The following RASSF3 variants were observed in gnomAD, a reference collection of about 807,000 sequenced individuals.
The protein encoded by RASSF3 is Ras association domain family member 3, also known as ras association domain-containing protein 3.
Under a neutral mutation model 19.9 loss-of-function variants are expected in RASSF3, and 19 were observed. That is an observed-to-expected ratio of 0.96 (90% CI 0.67 to 1.40). The LOEUF is 1.40. Ranked by LOEUF, RASSF3 falls within the 40% of genes most tolerant of loss-of-function variation. The pLI is 0.00. For missense variants in RASSF3, 306 were observed against 289.8 expected, an observed-to-expected ratio of 1.06 and a Z score of -0.41; for synonymous variants, 110 against 104.2, an observed-to-expected ratio of 1.06 and a Z score of -0.34.
chr12:64,508,124 A>G (rs1592382508), intron 1 of RASSF3, among the ~76,000 whole-genome samples: 1 of 152,328 alleles, frequency 6.6e-6, no homozygotes, highest in East Asian at 1.9e-4. Context: ...ATTTTATGTA[A>G]GTGCTTAACA....
intron 1 of RASSF3, among the ~76,000 whole-genome samples, chr12:64,625,965 C>T (rs928274598): frequency 2.7e-4 from 41 of 152,306 alleles, no homozygotes; most frequent in African/African-American, 9.1e-4. Flanking sequence ...CCTAGTCCTA[C>T]AGGCCGGATG....
At position 64,623,412 on chromosome 12, in the gene RASSF3, C is replaced by T. The variant is rs545265307; in HGVS notation, c.111+12669C>T. Among the ~76,000 whole-genome samples the T allele has an allele frequency of 4.6e-5, 7 of 152,278 alleles. No homozygotes were observed. The South Asian group carries it at 1.4e-3, about 32-fold the overall frequency. On this transcript the variant is annotated intron_variant, in intron 1 of 4. Transcript: ENST00000542104. ...CACGTTTATCCGTTTAGGCCTTAAGCAGATGCAGGTTTCATGACATGCCAG... is the reference window on the plus strand; with the variant it reads ...CACGTTTATCCGTTTAGGCCTTAAGTAGATGCAGGTTTCATGACATGCCAG...
chr12:64,689,760 T>C (rs150932787), intron 3 of RASSF3, among the ~76,000 whole-genome samples: 4 of 148,546 alleles, frequency 2.7e-5, no homozygotes, highest in African/African-American at 9.8e-5. Flanking sequence ...ATATTCTGAT[T>C]GCTTGGTTTG....
chr12:64,521,090 G>C (rs1868469709), intron 1 of RASSF3, among the ~76,000 whole-genome samples: 1 of 152,118 alleles, frequency 6.6e-6, no homozygotes, highest in Non-Finnish European at 1.5e-5. Context: ...TCCCTGTTGT[G>C]GTCTGAAAGG....
intron 1 of RASSF3, among the ~76,000 whole-genome samples, chr12:64,648,430 G>A (rs950043727): frequency 3.9e-5 from 6 of 152,150 alleles, no homozygotes; most frequent in Non-Finnish European, 8.8e-5. Flanking sequence ...GGTTGTAGGA[G>A]CTATGGGAAT....
At chr12:64,567,316 G>GA in intron 2 of RASSF3, among the ~76,000 whole-genome samples, 1 of 152,244 alleles carries the variant, frequency 6.6e-6, no homozygotes, top group Non-Finnish European at 1.5e-5. Context: ...GGAATGGAAG[G>GA]AATCTCCTAC....
At position 64,525,230 on chromosome 12, in the gene RASSF3, T is replaced by A. The variant is rs190699540; in HGVS notation, c.170-16351T>A. On this transcript the variant is annotated intron_variant, in intron 1 of 5. Coordinates refer to the RASSF3 transcript ENST00000637125. ...AGCCGCGGTTGCAGTGAGCCAAGAT[T>A]GCACCATTGTACTCCATCTGGGCGA... Among the ~76,000 whole-genome samples the A allele has an allele frequency of 2.2e-3, 340 of 152,210 alleles. 2 individuals carry two copies. The highest frequency in any genetic ancestry group is 0.022 in the Admixed American group (333 of 15,282).
intron 2 of RASSF3, among the ~76,000 whole-genome samples, chr12:64,561,034 A>G (rs1236289643): frequency 6.6e-6 from 1 of 152,212 alleles, no homozygotes; most frequent in African/African-American, 2.4e-5. Flanking sequence ...AGTCTGTATT[A>G]GTTGTGCCCT....
At chr12:64,618,311 G>A (rs1870622421) in intron 1 of RASSF3, among the ~76,000 whole-genome samples, 1 of 152,034 alleles carries the variant, frequency 6.6e-6, no homozygotes, top group African/African-American at 2.4e-5. Context: ...TTGTCAAATA[G>A]CTTTTGTTTG....
intron 2 of RASSF3, among the ~76,000 whole-genome samples, chr12:64,565,668 A>T (rs549421013): frequency 6.6e-6 from 1 of 151,714 alleles, no homozygotes; most frequent in Non-Finnish European, 1.5e-5. Context: ...AGCCAAGATC[A>T]CGCCATTGCA....
intron 1 of RASSF3, chr12:64,611,562 G>A (rs966409548): frequency 6.6e-6 from 1 of 152,222 alleles, no homozygotes; most frequent in African/African-American, 2.4e-5. Flanking sequence ...TGAGGAGCCC[G>A]GTGCTAGAGC....
intron 2 of RASSF3, among the ~76,000 whole-genome samples, chr12:64,570,837 T>G (rs1310655580): frequency 6.6e-6 from 1 of 152,200 alleles, no homozygotes; most frequent in Non-Finnish European, 1.5e-5. Flanking sequence ...CTCCGTGAAG[T>G]GTCCTACCCT....
chr12:64,683,130 A>G (rs1251335913), intron 1 of RASSF3, among the ~76,000 whole-genome samples: 1 of 152,210 alleles, frequency 6.6e-6, no homozygotes, highest in Non-Finnish European at 1.5e-5. Context: ...ATTAAATGAG[A>G]ACACCCCTGT....
At chr12:64,595,215 G>A (rs1325849999) in intron 2 of RASSF3, among the ~76,000 whole-genome samples, 1 of 151,620 alleles carries the variant, frequency 6.6e-6, no homozygotes. Flanking sequence ...CTATAGTTGT[G>A]TGCCACCACG....
At chr12:64,598,362 G>C (rs1286062151) in intron 2 of RASSF3, among the ~76,000 whole-genome samples, 1 of 152,130 alleles carries the variant, frequency 6.6e-6, no homozygotes, top group Non-Finnish European at 1.5e-5. Flanking sequence ...TAGTTTATAA[G>C]GTTTTGAAGG....
chr12:64,606,299 C>T (rs7315263), upstream of RASSF3, among the ~76,000 whole-genome samples: 920 of 152,062 alleles, frequency 6.1e-3, 8 homozygotes, highest in African/African-American at 0.021. Flanking sequence ...CTTCTTTTCC[C>T]GAGGGGATTC....
At chr12:64,671,418 C>A (rs1014864263) in intron 1 of RASSF3, among the ~76,000 whole-genome samples, 1 of 152,106 alleles carries the variant, frequency 6.6e-6, no homozygotes, top group African/African-American at 2.4e-5. Flanking sequence ...ATGTTCACTC[C>A]TTACTCACTC....
At chr12:64,625,091 A>G (rs1484068905) in intron 1 of RASSF3, among the ~76,000 whole-genome samples, 2 of 152,190 alleles carry the variant, frequency 1.3e-5, no homozygotes, top group African/African-American at 4.8e-5. Flanking sequence ...TAGTCCAGCC[A>G]AAGAGCGAAA....
chr12:64,577,258 G>T (rs934694795), intron 2 of RASSF3, among the ~76,000 whole-genome samples: 2 of 152,214 alleles, frequency 1.3e-5, no homozygotes, highest in African/African-American at 4.8e-5. Context: ...TTGACAGACT[G>T]ATGATGAAAC....
Sources: allele counts gnomAD v4.1 joint callset (sites outside exome capture counted in the v4.1 genomes callset), GRCh38; gene constraint gnomAD v4.1.1; transcripts MANE v1.5; gene names NCBI Gene and HGNC (gene_info 2026-07-23, HGNC 2026-07-21).